CDC14A: variants seen among roughly 807,000 people sequenced by gnomAD.
CDC14A encodes dual specificity protein phosphatase CDC14A.
Under a neutral mutation model 74.4 loss-of-function variants are expected in CDC14A, and 53 were observed. The observed-to-expected ratio is 0.71, with a 90% CI of 0.57 to 0.89. The LOEUF is 0.89. Ranked by LOEUF, CDC14A falls within the 40% of genes least tolerant of loss-of-function variation. The probability of loss-of-function intolerance (pLI) is 0.00; values close to 1 mark genes in which losing one functional copy is unlikely to be tolerated. For missense variants in CDC14A, 646 were observed against 713.7 expected (o/e 0.91, Z 1.08); for synonymous variants, 247 against 258.4 (o/e 0.96, Z 0.43).
At chr1:100,346,017 A>G (rs1650386593) in intron 1 of CDC14A, among the ~76,000 whole-genome samples, 1 of 152,100 alleles carries the variant, frequency 6.6e-6, no homozygotes, top group Admixed American at 6.5e-5. Context: ...CTAAAAATAC[A>G]AAAATTCACT....
chr1:100,480,337 G>C (rs1276975946), intron 10 of CDC14A, among the ~76,000 whole-genome samples: 3 of 152,102 alleles, frequency 2.0e-5, no homozygotes, highest in Non-Finnish European at 4.4e-5. Flanking sequence ...TTCTTTTAGA[G>C]GCTCAATAAT....
At position 100,393,820 on chromosome 1, in the gene CDC14A, G is replaced by C. The variant is rs369909467; in HGVS notation, c.309+2996G>C. ...TAGCTGGGCGTGGTGATGCGAGCCT[G>C]TAGTCCCAGCTACTCGGGAGGCTGA... is the stretch of plus-strand genomic sequence containing the variant. On this transcript the variant is annotated intron_variant, in intron 4 of 15. Transcript: ENST00000336454. 1.1e-4 allele frequency among the ~76,000 whole-genome samples: 17 copies of C among 151,978 alleles called. 1 individual carries two copies. Among genetic ancestry groups the C allele is most frequent in the Admixed American group, 9.8e-4 (15 of 15,262 alleles).
chr1:100,516,119 A>T (rs565039729), intron 15 of CDC14A, among the ~76,000 whole-genome samples: 1 of 152,350 alleles, frequency 6.6e-6, no homozygotes, highest in Non-Finnish European at 1.5e-5. Context: ...GTGGAAGTAA[A>T]GGCTTTGGAT....
In CDC14A at chr1:100,352,592, C is replaced by T; in HGVS notation, c.-363C>T. On this transcript the variant is annotated 5_prime_UTR_variant, in exon 1 of 16. Coordinates refer to ENST00000336454, the MANE Select transcript of CDC14A (RefSeq NM_003672.4). ...GCGCGATCGGGACCAGAAGTCTCCT[C>T]CTCCATGATCACTTTGGAAGCCGGG... 1.8e-6 allele frequency: 2 copies of T among 1,109,892 alleles called. No homozygotes were observed. Among genetic ancestry groups the T allele is most frequent in the Non-Finnish European group, 2.2e-6 (2 of 908,534 alleles). 68.8% of individuals were successfully genotyped at this position (1,109,892 alleles called of 1,614,324 possible). A position where few individuals can be genotyped will look rare whatever the true frequency, so the allele number is the denominator to read the frequency against.
chr1:100,390,793 C>A lies in CDC14A; in HGVS notation c.278C>A (p.Ala93Glu), dbSNP rs1457050000. 1.2e-6 allele frequency: 2 copies of A among 1,612,900 alleles called. No homozygotes were observed. Among genetic ancestry groups the A allele is most frequent in the Non-Finnish European group, 8.5e-7 (1 of 1,179,170 alleles). Residue 93 changes from alanine (A) to glutamate (E), a missense_variant, in exon 4 of 16, where the codon GCA becomes GAA. Coordinates refer to ENST00000336454, the MANE Select transcript of CDC14A (RefSeq NM_003672.4). Reference sequence around the variant, plus strand: ...ACCTGTTTTGACCAACGGAAAAGAGCAAATGCAGCATTTTTGATAGGTGCC... The same window carrying A: ...ACCTGTTTTGACCAACGGAAAAGAGAAAATGCAGCATTTTTGATAGGTGCC... ...HYTCFDQRKRANAAFLIGAYA... is the reference protein window; with the variant it reads ...HYTCFDQRKRENAAFLIGAYA...
At chr1:100,476,465 T>C (rs1460177941) in intron 10 of CDC14A, among the ~76,000 whole-genome samples, 1 of 152,114 alleles carries the variant, frequency 6.6e-6, no homozygotes, top group African/African-American at 2.4e-5. Flanking sequence ...ATCAGCTCTA[T>C]TGGCATTTTT....
At chr1:100,372,028 T>G (rs543745144) in intron 2 of CDC14A, among the ~76,000 whole-genome samples, 1 of 152,266 alleles carries the variant, frequency 6.6e-6, no homozygotes, top group South Asian at 2.1e-4. Context: ...TCACACAAGG[T>G]TTTTTGGTTT....
At chr1:100,453,708 C>T (rs538109600) in intron 7 of CDC14A, among the ~76,000 whole-genome samples, 3 of 152,320 alleles carry the variant, frequency 2.0e-5, no homozygotes, top group African/African-American at 7.2e-5. Context: ...GGTGCAAACT[C>T]GGCTCACTGC....
intron 5 of CDC14A, among the ~76,000 whole-genome samples, chr1:100,431,023 A>G (rs1437057097): frequency 1.3e-5 from 2 of 152,174 alleles, no homozygotes; most frequent in South Asian, 2.1e-4. Flanking sequence ...TTGAAAATAG[A>G]TGGCTTTTCC....
At chr1:100,427,549 A>G (rs1255280243) in intron 5 of CDC14A, among the ~76,000 whole-genome samples, 11 of 152,126 alleles carry the variant, frequency 7.2e-5, no homozygotes, top group Admixed American at 6.5e-4. Flanking sequence ...GTGATTCCCT[A>G]TTACATTTTA....
chr1:100,512,627 G>A (rs1468594321), intron 15 of CDC14A, among the ~76,000 whole-genome samples: 1 of 152,188 alleles, frequency 6.6e-6, no homozygotes, highest in African/African-American at 2.4e-5. Flanking sequence ...TGAGCTCTTT[G>A]TGATTGTTGA....
chr1:100,392,369 G>A (rs552333970), intron 4 of CDC14A, among the ~76,000 whole-genome samples: 1 of 152,156 alleles, frequency 6.6e-6, no homozygotes, highest in South Asian at 2.1e-4. Context: ...AGGGTTTTGT[G>A]ATGCTTTGTA....
chr1:100,424,657 A>T (rs1462829227), intron 5 of CDC14A, among the ~76,000 whole-genome samples: 1 of 152,152 alleles, frequency 6.6e-6, no homozygotes, highest in African/African-American at 2.4e-5. Flanking sequence ...TTTCATAAGC[A>T]GTGATTGAGC....
chr1:100,366,486 T>C (rs1653630434), intron 2 of CDC14A, among the ~76,000 whole-genome samples: 1 of 152,198 alleles, frequency 6.6e-6, no homozygotes, highest in South Asian at 2.1e-4. Flanking sequence ...GACAAAATAA[T>C]GGTACATCAT....
At chr1:100,489,176 TC>T (rs1211732690) in intron 11 of CDC14A, among the ~76,000 whole-genome samples, 1 of 152,206 alleles carries the variant, frequency 6.6e-6, no homozygotes, top group African/African-American at 2.4e-5. Flanking sequence ...TCTCATAGGT[TC>T]AACATCTGAG....
At chr1:100,477,105 A>G (rs988721202) in intron 10 of CDC14A, among the ~76,000 whole-genome samples, 1 of 152,212 alleles carries the variant, frequency 6.6e-6, no homozygotes, top group African/African-American at 2.4e-5. Flanking sequence ...CAAAGCCTCC[A>G]TATGGAACCA....
chr1:100,502,793 G>A (rs139462099), intron 15 of CDC14A, among the ~76,000 whole-genome samples: 3 of 152,154 alleles, frequency 2.0e-5, no homozygotes, highest in Non-Finnish European at 2.9e-5. Context: ...GTCTCGTTCC[G>A]TATTTTGTTA....
chr1:100,467,952 A>T lies in CDC14A; in HGVS notation c.839-4A>T, dbSNP rs748151491. 1 of 1,583,516 alleles carries T rather than the reference A, an allele frequency of 6.3e-7. No individual in the cohort carries two copies. Among genetic ancestry groups the T allele is most frequent in the African/African-American group, 1.4e-5 (1 of 72,282 alleles). ...ATTTCTTATTCTGTTTCATTCTCTT[A>T]CAGCTGGTCTTGGAAGAACAGGGAC... On this transcript the variant is annotated splice_polypyrimidine_tract_variant and splice_region_variant and intron_variant, in intron 9 of 15. Coordinates refer to ENST00000336454, the MANE Select transcript of CDC14A (RefSeq NM_003672.4).
At chr1:100,467,644 G>A (rs1219233248) in intron 9 of CDC14A, among the ~76,000 whole-genome samples, 1 of 151,756 alleles carries the variant, frequency 6.6e-6, no homozygotes, top group Non-Finnish European at 1.5e-5. Context: ...TTGCTTCCCT[G>A]CCCCAGCCTT....
Sources: allele counts gnomAD v4.1 joint callset (sites outside exome capture counted in the v4.1 genomes callset), GRCh38; gene constraint gnomAD v4.1.1; transcripts MANE v1.5; gene names NCBI Gene and HGNC (gene_info 2026-07-23, HGNC 2026-07-21).